Variants in ARHGAP32 observed in about 807,000 individuals in gnomAD.
ARHGAP32 encodes Rho GTPase activating protein 32, also known as rho GTPase-activating protein 32.
Under a neutral mutation model 186.5 loss-of-function variants are expected in ARHGAP32, and 51 were observed. The observed-to-expected ratio is 0.27, with a 90% CI of 0.22 to 0.35. The LOEUF is 0.35. Among genes scored for constraint, ARHGAP32 ranks in the 10% least tolerant of loss-of-function variants. ARHGAP32 has a pLI of 1.00. For synonymous variants in ARHGAP32, 950 were observed against 964.3 expected (o/e 0.99, Z 0.27); for missense variants, 2,186 against 2,623.5 (o/e 0.83, Z 3.64).
chr11:129,043,521 G>A (rs1173531626), intron 10 of ARHGAP32, among the ~76,000 whole-genome samples: 2 of 151,574 alleles, frequency 1.3e-5, no homozygotes, highest in Non-Finnish European at 2.9e-5. Flanking sequence ...CAAGTAACTG[G>A]GATTATACGC....
intron 2 of ARHGAP32, among the ~76,000 whole-genome samples, chr11:129,139,953 T>C (rs1943016902): frequency 1.3e-5 from 2 of 152,180 alleles, no homozygotes; most frequent in Non-Finnish European, 2.9e-5. Flanking sequence ...CCATGGTTGT[T>C]CAATCAATCT....
chr11:129,248,668 G>A (rs1945137110), intron 1 of ARHGAP32, among the ~76,000 whole-genome samples: 1 of 152,152 alleles, frequency 6.6e-6, no homozygotes, highest in African/African-American at 2.4e-5. Flanking sequence ...TGGAATATAA[G>A]TCTTTAAAAA....
chr11:129,137,300 G>A (rs186114364), intron 2 of ARHGAP32, among the ~76,000 whole-genome samples: 1 of 151,962 alleles, frequency 6.6e-6, no homozygotes, highest in Non-Finnish European at 1.5e-5. Flanking sequence ...AGATAGGGAT[G>A]GAAGATTTTT....
intron 1 of ARHGAP32, among the ~76,000 whole-genome samples, chr11:129,198,973 G>T (rs1944426554): frequency 6.6e-6 from 1 of 152,206 alleles, no homozygotes; most frequent in Non-Finnish European, 1.5e-5. Flanking sequence ...TGAGGAACTT[G>T]TTGGGAACCA....
chr11:129,276,203 A>T (rs1010372421), intron 1 of ARHGAP32, among the ~76,000 whole-genome samples: 10 of 152,248 alleles, frequency 6.6e-5, no homozygotes, highest in African/African-American at 2.4e-4. Flanking sequence ...AGAGTTCAAA[A>T]TTGCAAGTAC....
At chr11:129,017,402 G>A (rs1308482498) in intron 11 of ARHGAP32, among the ~76,000 whole-genome samples, 5 of 148,748 alleles carry the variant, frequency 3.4e-5, no homozygotes, top group African/African-American at 7.5e-5. Flanking sequence ...AGCTGAGATC[G>A]TGCCATTGCA....
At chr11:129,163,176 T>A (rs1251215187) in intron 2 of ARHGAP32, among the ~76,000 whole-genome samples, 1 of 152,200 alleles carries the variant, frequency 6.6e-6, no homozygotes, top group East Asian at 1.9e-4. Flanking sequence ...TATGTCAGTA[T>A]TTGCTGTGCC....
intron 11 of ARHGAP32, among the ~76,000 whole-genome samples, chr11:129,025,985 A>G (rs1186799281): frequency 6.6e-6 from 1 of 151,636 alleles, no homozygotes; most frequent in African/African-American, 2.4e-5. Context: ...ATTGATAGGA[A>G]TAACTGTATT....
In ARHGAP32 at chr11:129,188,158, G is replaced by A. The variant is rs532370381; in HGVS notation, c.116+3925C>T. Among the ~76,000 whole-genome samples the A allele has an allele frequency of 5.3e-5, 8 of 152,182 alleles. No homozygotes were observed. In the East Asian group the frequency reaches 1.5e-3, roughly 29 times the overall value. ...TTTAGTAGAGACAGGGTTTCACCAT[G>A]TTGGCCAGGCTGATCTCAAACTCCT... is the stretch of plus-strand genomic sequence containing the variant. On this transcript the variant is annotated intron_variant, in intron 1 of 22. Coordinates refer to ENST00000682385, the MANE Select transcript of ARHGAP32 (RefSeq NM_001378024.1).
rs560974161 is a variant in ARHGAP32 at position 129,207,323 on chromosome 11, C to T, written c.-4-42896G>A. The stretch of plus-strand genomic sequence containing the variant: ...CTTGAGGAATCGTCACACTGTCTTC[C>T]ACAATGGTTGAACTAAATTATACTC... On this transcript the variant is annotated intron_variant, in intron 1 of 6. Transcript: ENST00000525234. Among the ~76,000 whole-genome samples, 530 of 152,234 alleles carry T rather than the reference C, an allele frequency of 3.5e-3. 2 individuals are homozygous for T. The highest frequency in any genetic ancestry group is 5.7e-3 in the Non-Finnish European group (386 of 68,002).
intron 2 of ARHGAP32, among the ~76,000 whole-genome samples, chr11:129,157,380 C>T (rs1235654737): frequency 6.6e-6 from 1 of 151,942 alleles, no homozygotes; most frequent in East Asian, 1.9e-4. Flanking sequence ...TAGAGGATAA[C>T]ATAAATTACT....
At chr11:129,057,304 G>T (rs532078041) in intron 10 of ARHGAP32, among the ~76,000 whole-genome samples, 1 of 152,090 alleles carries the variant, frequency 6.6e-6, no homozygotes, top group Non-Finnish European at 1.5e-5. Context: ...ACTGAGGTCT[G>T]CTAGTCCTCC....
intron 1 of ARHGAP32, among the ~76,000 whole-genome samples, chr11:129,187,633 C>A (rs927280347): frequency 2.0e-5 from 3 of 151,988 alleles, no homozygotes; most frequent in African/African-American, 7.3e-5. Flanking sequence ...ACATTGTGTG[C>A]CTATATCAAA....
rs76659703 is a variant in ARHGAP32, at chr11:129,232,171, T to C, written c.-5+46975A>G. On this transcript the variant is annotated intron_variant, in intron 1 of 6. Coordinates refer to the ARHGAP32 transcript ENST00000525234. ...ATCCTTTGTATTAATCTTGGTCCCA[T>C]AGAGTTTGAGAACCACACTCACGGG... 7.5e-3 allele frequency among the ~76,000 whole-genome samples: 1,141 copies of C among 152,110 alleles called. 12 individuals are homozygous for C. Among genetic ancestry groups the C allele is most frequent in the Middle Eastern group, 0.024 (7 of 294 alleles).
At chr11:128,994,160 T>TC (rs1393441593) in intron 12 of ARHGAP32, among the ~76,000 whole-genome samples, 1 of 151,852 alleles carries the variant, frequency 6.6e-6, no homozygotes, top group Non-Finnish European at 1.5e-5. Flanking sequence ...CATTTTTTTT[T>TC]CTTTTTTTTT....
At chr11:129,002,132 T>C (rs930180102) in intron 11 of ARHGAP32, among the ~76,000 whole-genome samples, 4 of 152,160 alleles carry the variant, frequency 2.6e-5, no homozygotes, top group African/African-American at 9.6e-5. Flanking sequence ...TCCTGTGAAG[T>C]ATGTCATTGG....
At chr11:129,260,124 T>A (rs1217603916) in intron 1 of ARHGAP32, among the ~76,000 whole-genome samples, 1 of 152,216 alleles carries the variant, frequency 6.6e-6, no homozygotes, top group Non-Finnish European at 1.5e-5. Flanking sequence ...ATTGAACTTT[T>A]ACATCTGAGA....
At chr11:129,117,064 A>G (rs1030882354) in intron 5 of ARHGAP32, among the ~76,000 whole-genome samples, 2 of 152,032 alleles carry the variant, frequency 1.3e-5, no homozygotes, top group African/African-American at 4.8e-5. Flanking sequence ...TATGTATCAT[A>G]CTTTTTAACC....
intron 11 of ARHGAP32, among the ~76,000 whole-genome samples, chr11:129,007,912 C>T (rs1591526736): frequency 1.3e-5 from 2 of 152,168 alleles, no homozygotes; most frequent in African/African-American, 4.8e-5. Context: ...GGACAGATTT[C>T]CCCTCTGTCT....
Sources: allele counts gnomAD v4.1 joint callset (sites outside exome capture counted in the v4.1 genomes callset), GRCh38; gene constraint gnomAD v4.1.1; transcripts MANE v1.5; gene names NCBI Gene and HGNC (gene_info 2026-07-23, HGNC 2026-07-21).